CRIM1: variants seen among roughly 807,000 people sequenced by gnomAD.
CRIM1 encodes cysteine-rich motor neuron 1 protein.
Under a neutral mutation model 116.4 loss-of-function variants are expected in CRIM1, and 32 were observed. The observed-to-expected ratio is 0.27, with a 90% CI of 0.21 to 0.37. The LOEUF is 0.37. Among genes scored for constraint, CRIM1 ranks in the 10% least tolerant of loss-of-function variants. CRIM1 has a pLI of 1.00. For synonymous variants in CRIM1, 590 were observed against 509.2 expected (o/e 1.16, Z -2.13); for missense variants, 1,331 against 1,354.8 (o/e 0.98, Z 0.28).
At chr2:36,448,332 C>A (rs1676407308) in intron 4 of CRIM1, among the ~76,000 whole-genome samples, 1 of 152,204 alleles carries the variant, frequency 6.6e-6, no homozygotes, top group Non-Finnish European at 1.5e-5. Flanking sequence ...TCTGAGAGTC[C>A]ATGTTCTCCT....
intron 2 of CRIM1, among the ~76,000 whole-genome samples, chr2:36,415,280 T>C (rs1454811455): frequency 6.6e-6 from 1 of 152,150 alleles, no homozygotes; most frequent in Non-Finnish European, 1.5e-5. Flanking sequence ...GAGAGTATAC[T>C]GGAGGCAGAA....
intron 13 of CRIM1, among the ~76,000 whole-genome samples, chr2:36,526,891 A>G (rs949898971): frequency 3.9e-5 from 6 of 152,242 alleles, no homozygotes; most frequent in Non-Finnish European, 8.8e-5. Context: ...ATGCTCAGGT[A>G]TGTCCCCCAG....
chr2:36,397,737 G>A (rs1465334), intron 2 of CRIM1, among the ~76,000 whole-genome samples: 1 of 152,128 alleles, frequency 6.6e-6, no homozygotes, highest in African/African-American at 2.4e-5. Context: ...AAATGGTAAG[G>A]AAGAAGAAAT....
At chr2:36,481,658 A>C (rs1679427045) in intron 7 of CRIM1, among the ~76,000 whole-genome samples, 1 of 152,222 alleles carries the variant, frequency 6.6e-6, no homozygotes. Context: ...AACACTGCTG[A>C]AGCCTTTATT....
chr2:36,435,893 T>C (rs969997717), intron 2 of CRIM1, among the ~76,000 whole-genome samples: 1 of 148,698 alleles, frequency 6.7e-6, no homozygotes, highest in African/African-American at 2.5e-5. Flanking sequence ...GCAAGTGATA[T>C]TGTCACTTTG....
chr2:36,506,181 TCACACACACA>T (rs3076519), intron 8 of CRIM1, among the ~76,000 whole-genome samples: 33,338 of 120,422 alleles, frequency 0.28, 4,488 homozygotes, highest in East Asian at 0.42. Flanking sequence ...TCTCTCTCTC[TCACACACACA>T]CACACACACA....
intron 1 of CRIM1, among the ~76,000 whole-genome samples, chr2:36,385,367 G>T (rs1425600009): frequency 6.6e-6 from 1 of 152,166 alleles, no homozygotes; most frequent in Non-Finnish European, 1.5e-5. Flanking sequence ...ATTCCTTATT[G>T]CAACTTCCAG....
intron 8 of CRIM1, among the ~76,000 whole-genome samples, chr2:36,502,350 G>A (rs1330120409): frequency 6.6e-6 from 1 of 152,108 alleles, no homozygotes; most frequent in Non-Finnish European, 1.5e-5. Context: ...CTATCTTTAG[G>A]TTAGTGTTTT....
chr2:36,500,220 A>C (rs138998757), intron 8 of CRIM1, among the ~76,000 whole-genome samples: 2 of 152,088 alleles, frequency 1.3e-5, no homozygotes, highest in East Asian at 3.8e-4. Context: ...GGTCCCAGCT[A>C]CTCGGGAGGC....
rs773752408 is a variant in CRIM1, at chr2:36,356,805, G to T, written c.331+182G>T. The stretch of plus-strand genomic sequence containing the variant: ...TGCGTTCCCTCTCCTTGTTCCCCCC[G>T]ACGCTTAGGCAGTCGCGGGCGAGGT... On this transcript the variant is annotated intron_variant, in intron 1 of 16. Transcript: ENST00000280527. The surrounding 1 kb of genome is among the most constrained non-coding windows in gnomAD (Gnocchi z 4.3). Among the ~76,000 whole-genome samples the T allele has an allele frequency of 6.1e-4, 93 of 152,346 alleles. No homozygotes were observed. The highest frequency in any genetic ancestry group is 6.9e-4 in the Non-Finnish European group (47 of 68,026).
At chr2:36,458,149 G>A (rs1422266672) in intron 4 of CRIM1, among the ~76,000 whole-genome samples, 4 of 152,140 alleles carry the variant, frequency 2.6e-5, no homozygotes, top group African/African-American at 7.2e-5. Context: ...TCTAGGATAC[G>A]GGCAGAGGAA....
intron 8 of CRIM1, among the ~76,000 whole-genome samples, chr2:36,503,037 T>C (rs372633449): frequency 6.6e-6 from 1 of 152,256 alleles, no homozygotes; most frequent in East Asian, 1.9e-4. Flanking sequence ...TACAGAAGTC[T>C]AGACATACAG....
intron 7 of CRIM1, among the ~76,000 whole-genome samples, chr2:36,483,798 C>CAT (rs1423705214): frequency 6.6e-6 from 1 of 152,196 alleles, no homozygotes; most frequent in Non-Finnish European, 1.5e-5. Context: ...CCAGACCCTT[C>CAT]ATACAGATCT....
intron 13 of CRIM1, chr2:36,529,190 G>T: frequency 2.1e-6 from 1 of 471,242 alleles, no homozygotes; most frequent in Non-Finnish European, 4.4e-6. Context: ...AGTGGTCAAG[G>T]ATATGGGGGA....
chr2:36,453,503 G>A (rs1450924497), intron 4 of CRIM1, among the ~76,000 whole-genome samples: 5 of 152,164 alleles, frequency 3.3e-5, no homozygotes, highest in East Asian at 3.8e-4. Flanking sequence ...TACCTAGCAC[G>A]GGTAAGTAAT....
At chr2:36,361,776 T>TA (rs1669239068) in intron 1 of CRIM1, among the ~76,000 whole-genome samples, 1 of 152,076 alleles carries the variant, frequency 6.6e-6, no homozygotes, top group Admixed American at 6.6e-5. Flanking sequence ...GGAAGGGAAA[T>TA]ACATTTAGTG....
At chr2:36,413,652 G>A (rs764911517) in intron 2 of CRIM1, among the ~76,000 whole-genome samples, 11 of 152,182 alleles carry the variant, frequency 7.2e-5, no homozygotes, top group Non-Finnish European at 1.3e-4. Flanking sequence ...CAATGGATAT[G>A]TACTAAAAAT....
chr2:36,384,812 T>A (rs554600019), intron 1 of CRIM1, among the ~76,000 whole-genome samples: 19 of 152,350 alleles, frequency 1.2e-4, no homozygotes, highest in Non-Finnish European at 2.4e-4. Context: ...GGGCCACAGT[T>A]GTCTCTGTGA....
intron 8 of CRIM1, among the ~76,000 whole-genome samples, chr2:36,504,046 T>G (rs1476820792): frequency 6.6e-6 from 1 of 152,094 alleles, no homozygotes; most frequent in African/African-American, 2.4e-5. Context: ...ATTTTTTTTG[T>G]ATTTTTTTGT....
Sources: gnomAD v4.1 joint callset for allele counts (sites outside exome capture counted in the v4.1 genomes callset) on GRCh38, gnomAD v4.1.1 for gene constraint, Gnocchi (gnomAD v3.1) non-coding constraint, MANE v1.5 for transcripts, NCBI Gene and HGNC (gene_info 2026-07-23, HGNC 2026-07-21) for gene names.